The following TMTC3 variants were observed in gnomAD, a reference collection of about 807,000 sequenced individuals.
The protein encoded by TMTC3 is protein O-mannosyl-transferase TMTC3.
Under a neutral mutation model 92.2 loss-of-function variants are expected in TMTC3, and 52 were observed. The observed-to-expected ratio is 0.56, with a 90% CI of 0.45 to 0.71. The LOEUF (loss-of-function observed/expected upper bound fraction) is 0.71. TMTC3 is among the 30% of genes least tolerant of loss of function. The pLI is 0.00. For missense variants in TMTC3, 896 were observed against 1,057.1 expected (o/e 0.85, Z 2.11); for synonymous variants, 339 against 363.3 (o/e 0.93, Z 0.76).
rs1238997504 is a variant in TMTC3 at position 88,166,383 on chromosome 12, A to G, written c.851A>G (p.Asn284Ser). The change falls in exon 7 of 14, where the codon AAC becomes AGC. Residue 284 changes from asparagine (N) to serine (S), a missense_variant. Asn to Ser is a conservative substitution (Grantham distance 46, BLOSUM62 1). Transcript: ENST00000266712. Reference protein sequence around the residue: ...SPTPTRQLTFNYLLPVNAWLL... With the variant: ...SPTPTRQLTFSYLLPVNAWLL... ...ACTCCTACAAGGCAACTAACTTTTAACTACCTCCTTCCTGTGAATGCTTGG... is the reference window on the plus strand; with the variant it reads ...ACTCCTACAAGGCAACTAACTTTTAGCTACCTCCTTCCTGTGAATGCTTGG... 37 of 1,613,926 alleles carry G rather than the reference A, an allele frequency of 2.3e-5. No individual in the cohort carries two copies. Among genetic ancestry groups the G allele is most frequent in the Non-Finnish European group, 3.0e-5 (35 of 1,179,922 alleles).
chr12:88,180,993 A>T (rs11829606), intron 10 of TMTC3, among the ~76,000 whole-genome samples: 19,122 of 151,990 alleles, frequency 0.13, 2,292 homozygotes, highest in African/African-American at 0.31. Flanking sequence ...CCCCCTTTTT[A>T]GTTTCTTGAG....
At chr12:88,174,540 C>A in intron 8 of TMTC3, 67 bp from the exon 9 acceptor site, 1 of 1,534,500 alleles carries the variant, frequency 6.5e-7, no homozygotes, top group Non-Finnish European at 8.8e-7. Flanking sequence ...TACCTCTGTT[C>A]TAAAAGGTAA....
intron 1 of TMTC3, among the ~76,000 whole-genome samples, chr12:88,148,057 A>C (rs982924236): frequency 2.6e-5 from 4 of 152,132 alleles, no homozygotes; most frequent in African/African-American, 9.7e-5. Context: ...ACTTGGCTTT[A>C]TCCCGTAAGA....
intron 12 of TMTC3, among the ~76,000 whole-genome samples, chr12:88,191,476 A>G (rs1285189457): frequency 6.6e-6 from 1 of 152,206 alleles, no homozygotes; most frequent in African/African-American, 2.4e-5. Flanking sequence ...AAAGAGTAGT[A>G]TTATAAGAAC....
At position 88,142,467 on chromosome 12, in the gene TMTC3, C is replaced by T. The variant is rs2040745948; in HGVS notation, c.-49C>T. The T allele has an allele frequency of 6.5e-6, 1 of 152,888 alleles. No homozygotes were observed. The highest frequency in any genetic ancestry group is 2.1e-4 in the South Asian group (1 of 4,834). 9.5% of individuals were successfully genotyped at this position (152,888 alleles called of 1,614,324 possible). ...CTTCCTGAGGTTTTCCTAAGCCATC[C>T]CCTGGCGGAACCGCCCCCAGGTGAG... is the stretch of plus-strand genomic sequence containing the variant. On this transcript the variant is annotated 5_prime_UTR_variant, in exon 1 of 14. Transcript: ENST00000266712.
At chr12:88,175,164 A>T (rs2041245696) in intron 9 of TMTC3, among the ~76,000 whole-genome samples, 1 of 152,118 alleles carries the variant, frequency 6.6e-6, no homozygotes, top group South Asian at 2.1e-4. Flanking sequence ...TCAGTAAAAT[A>T]AAATGTACAG....
chr12:88,146,609 GTGTATATATATATATACATATATA>G (rs1283210775), intron 1 of TMTC3, among the ~76,000 whole-genome samples: 3 of 145,270 alleles, frequency 2.1e-5, no homozygotes, highest in South Asian at 2.1e-4. Flanking sequence ...GTGTGTGTGT[GTGTATATATATATATACATATATA>G]TGTATATATA....
intron 4 of TMTC3, among the ~76,000 whole-genome samples, chr12:88,159,368 T>G (rs1274921296): frequency 6.6e-6 from 1 of 152,190 alleles, no homozygotes; most frequent in Non-Finnish European, 1.5e-5. Context: ...GTTAACCACT[T>G]TCATTTTAGT....
chr12:88,168,026 T>G (rs1033493071), intron 7 of TMTC3, among the ~76,000 whole-genome samples: 1 of 152,122 alleles, frequency 6.6e-6, no homozygotes, highest in Non-Finnish European at 1.5e-5. Context: ...GTCTTAATTC[T>G]CCCCAGAAAA....
intron 7 of TMTC3, among the ~76,000 whole-genome samples, chr12:88,167,533 T>C (rs1186120119): frequency 6.6e-6 from 1 of 152,226 alleles, no homozygotes; most frequent in Non-Finnish European, 1.5e-5. Context: ...GCTAGATTGA[T>C]TTATTCATTC....
intron 13 of TMTC3, among the ~76,000 whole-genome samples, 197 bp downstream of exon 13, chr12:88,193,027 T>C (rs2041461827): frequency 6.6e-6 from 1 of 152,152 alleles, no homozygotes; most frequent in Non-Finnish European, 1.5e-5. Flanking sequence ...TTCTAACATA[T>C]GATAATACTG....
At chr12:88,165,872 G>C (rs2041137703) in intron 6 of TMTC3, among the ~76,000 whole-genome samples, 1 of 151,986 alleles carries the variant, frequency 6.6e-6, no homozygotes, top group African/African-American at 2.4e-5. Flanking sequence ...ATTTTTTCCA[G>C]GAAGCATAAT....
Position 88,172,851 on chromosome 12 carries a change from T to C in TMTC3, c.1199+106T>C. 5.4e-6 allele frequency: 8 copies of C among 1,487,044 alleles called. No individual in the cohort carries two copies. The South Asian group carries it at 6.5e-5, about 12-fold the overall frequency. 92.1% of individuals were successfully genotyped at this position (1,487,044 alleles called of 1,614,324 possible). On this transcript the variant is annotated intron_variant, in intron 8 of 13. Transcript: ENST00000266712. The stretch of plus-strand genomic sequence containing the variant: ...TTTTCTAAGTCATGCTTTTGTATCT[T>C]TTGGTTTTTCATCTCCATAGTCTCC...
intron 7 of TMTC3, among the ~76,000 whole-genome samples, chr12:88,169,131 G>A (rs1325946550): frequency 6.6e-6 from 1 of 152,200 alleles, no homozygotes; most frequent in Admixed American, 6.5e-5. Flanking sequence ...ATTCAAAGCA[G>A]TCAAGAAGAG....
At chr12:88,184,180 C>T (rs2041350215) in intron 10 of TMTC3, among the ~76,000 whole-genome samples, 1 of 152,048 alleles carries the variant, frequency 6.6e-6, no homozygotes, top group Non-Finnish European at 1.5e-5. Context: ...GAGAGTGCAG[C>T]CCCCCTAAGC....
chr12:88,178,190 G>A (rs1415341898), intron 10 of TMTC3, among the ~76,000 whole-genome samples: 1 of 152,154 alleles, frequency 6.6e-6, no homozygotes, highest in Non-Finnish European at 1.5e-5. Flanking sequence ...AGGTAACCAT[G>A]TCTCCAAAAC....
At chr12:88,148,833 C>A (rs2040907641) in intron 2 of TMTC3, among the ~76,000 whole-genome samples, 1 of 151,754 alleles carries the variant, frequency 6.6e-6, no homozygotes, top group South Asian at 2.1e-4. Flanking sequence ...ACCAATCTGT[C>A]ACCCAGACAG....
At position 88,176,240 on chromosome 12, in the gene TMTC3, T is replaced by C; in HGVS notation, c.1353T>C (p.Asn451=). ...VNKNNAKLWN[N]VGHALENEKN... ...AAAATAATGCCAAACTTTGGAATAA[T>C]GTGGGTCATGCTCTGGAAAATGAAA... The change falls in exon 10 of 14, where the codon AAT becomes AAC. Residue 451 remains asparagine (N), a synonymous_variant. Coordinates refer to ENST00000266712, the MANE Select transcript of TMTC3 (RefSeq NM_181783.4). 6.2e-7 allele frequency: 1 copy of C among 1,611,780 alleles called. No individual in the cohort carries two copies. Among genetic ancestry groups the C allele is most frequent in the Non-Finnish European group, 8.5e-7 (1 of 1,178,868 alleles).
At chr12:88,144,722 G>C (rs1369085535) in intron 1 of TMTC3, among the ~76,000 whole-genome samples, 1 of 152,072 alleles carries the variant, frequency 6.6e-6, no homozygotes, top group Non-Finnish European at 1.5e-5. Context: ...TCCTGTGCTA[G>C]GCACTGGGGA....
Sources: allele counts gnomAD v4.1 joint callset (sites outside exome capture counted in the v4.1 genomes callset), GRCh38; gene constraint gnomAD v4.1.1; transcripts MANE v1.5; gene names NCBI Gene and HGNC (gene_info 2026-07-23, HGNC 2026-07-21).